Variants in LSAMP observed in about 807,000 individuals in gnomAD.
LSAMP encodes limbic system-associated membrane protein.
Under a neutral mutation model 38.6 loss-of-function variants are expected in LSAMP, and 7 were observed. The ratio of observed to expected loss-of-function variants is 0.18; its 90% CI spans 0.10 to 0.34. The LOEUF (loss-of-function observed/expected upper bound fraction) is 0.34. Ranked by LOEUF, LSAMP falls within the 10% of genes least tolerant of loss-of-function variation. The pLI is 1.00. For missense variants in LSAMP, 313 were observed against 420.0 expected (o/e 0.75, Z 2.23); for synonymous variants, 154 against 166.8 (o/e 0.92, Z 0.59).
At chr3:116,275,331 G>A (rs1163633043) in intron 1 of LSAMP, among the ~76,000 whole-genome samples, 2 of 152,010 alleles carry the variant, frequency 1.3e-5, no homozygotes, top group African/African-American at 4.8e-5. Flanking sequence ...GGGATTACAA[G>A]CTTGAGCCAC....
chr3:116,272,816 T>C (rs2046992307), intron 1 of LSAMP, among the ~76,000 whole-genome samples: 1 of 152,146 alleles, frequency 6.6e-6, no homozygotes, highest in South Asian at 2.1e-4. Context: ...TTTTAAAAAA[T>C]AAAAATGAAA....
intron 1 of LSAMP, among the ~76,000 whole-genome samples, chr3:116,443,059 A>G (rs565550435): frequency 6.6e-6 from 1 of 152,372 alleles, no homozygotes; most frequent in East Asian, 1.9e-4. Flanking sequence ...TAAAAAACAT[A>G]TACATTCAAG....
chr3:115,857,244 C>T (rs769745050), intron 3 of LSAMP, among the ~76,000 whole-genome samples: 25 of 152,316 alleles, frequency 1.6e-4, no homozygotes, highest in Non-Finnish European at 3.2e-4. Flanking sequence ...TCACAAAATT[C>T]TAAAATGCAC....
At chr3:116,430,867 T>A (rs923747769) in intron 1 of LSAMP, among the ~76,000 whole-genome samples, 23 of 152,098 alleles carry the variant, frequency 1.5e-4, no homozygotes, top group African/African-American at 5.5e-4. Context: ...ATTTGCTTAT[T>A]TAATTAAATT....
chr3:116,294,503 A>AACAG (rs998363293), intron 1 of LSAMP, among the ~76,000 whole-genome samples: 2 of 152,194 alleles, frequency 1.3e-5, no homozygotes, highest in Non-Finnish European at 2.9e-5. Context: ...GAAATCCTTT[A>AACAG]ACAGACTCTT....
intron 3 of LSAMP, among the ~76,000 whole-genome samples, chr3:115,858,466 T>A (rs1256151511): frequency 2.0e-5 from 3 of 152,190 alleles, no homozygotes. Context: ...AATATAGAAT[T>A]CCAAGGAAAG....
At chr3:116,038,074 A>G (rs1264405797) in intron 2 of LSAMP, among the ~76,000 whole-genome samples, 1 of 152,084 alleles carries the variant, frequency 6.6e-6, no homozygotes, top group Non-Finnish European at 1.5e-5. Context: ...TATCTCTTTC[A>G]ATATGTATTC....
chr3:116,219,222 C>G (rs6438305), intron 1 of LSAMP, among the ~76,000 whole-genome samples: 123,609 of 152,164 alleles, frequency 0.81, 50,839 homozygotes, highest in East Asian at 0.92. Context: ...TCTGTGACTG[C>G]CTTATTTCAC....
chr3:116,191,876 A>G (rs1334308204), intron 1 of LSAMP, among the ~76,000 whole-genome samples: 1 of 152,054 alleles, frequency 6.6e-6, no homozygotes, highest in Non-Finnish European at 1.5e-5. Context: ...ATATCCAAGC[A>G]TCAGATTTAA....
chr3:116,128,430 C>T (rs549395687), intron 1 of LSAMP, among the ~76,000 whole-genome samples: 1 of 152,278 alleles, frequency 6.6e-6, no homozygotes, highest in South Asian at 2.1e-4. Context: ...CAATTTCTCC[C>T]TTTTATGCTT....
At chr3:116,386,036 T>C (rs922804737) in intron 1 of LSAMP, among the ~76,000 whole-genome samples, 1 of 152,074 alleles carries the variant, frequency 6.6e-6, no homozygotes, top group African/African-American at 2.4e-5. Flanking sequence ...CAAAAAACTT[T>C]GGGAAATTCT....
At chr3:116,406,890 G>T (rs2048904835) in intron 1 of LSAMP, among the ~76,000 whole-genome samples, 1 of 151,852 alleles carries the variant, frequency 6.6e-6, no homozygotes, top group Non-Finnish European at 1.5e-5. Flanking sequence ...CTAGAAAGAG[G>T]TAAAAAGAGA....
At chr3:116,009,510 A>G (rs1024857376) in intron 3 of LSAMP, among the ~76,000 whole-genome samples, 1 of 152,192 alleles carries the variant, frequency 6.6e-6, no homozygotes, top group African/African-American at 2.4e-5. Flanking sequence ...TAAAATTCAC[A>G]AAAGAGATAA....
chr3:116,408,635 T>C (rs2048930059), intron 1 of LSAMP, among the ~76,000 whole-genome samples: 1 of 152,094 alleles, frequency 6.6e-6, no homozygotes, highest in Non-Finnish European at 1.5e-5. Flanking sequence ...GCATGATAGA[T>C]ACTATTTTCC....
chr3:116,311,785 T>C (rs1268754773), intron 1 of LSAMP, among the ~76,000 whole-genome samples: 5 of 152,138 alleles, frequency 3.3e-5, no homozygotes, highest in African/African-American at 1.2e-4. Context: ...ATGAGACCAG[T>C]CATTGCAGTA....
At chr3:115,925,808 C>T (rs1214277797) in intron 3 of LSAMP, among the ~76,000 whole-genome samples, 1 of 152,062 alleles carries the variant, frequency 6.6e-6, no homozygotes, top group Admixed American at 6.6e-5. Context: ...TTTATTAATG[C>T]ATAGAATATG....
chr3:116,104,507 TAAAG>T (rs1230193680), intron 1 of LSAMP, among the ~76,000 whole-genome samples: 1 of 151,964 alleles, frequency 6.6e-6, no homozygotes, highest in African/African-American at 2.4e-5. Flanking sequence ...TCTAATATGA[TAAAG>T]AAAGATTTGA....
At chr3:115,980,213 C>T (rs1405570632) in intron 3 of LSAMP, among the ~76,000 whole-genome samples, 2 of 151,774 alleles carry the variant, frequency 1.3e-5, no homozygotes, top group Non-Finnish European at 2.9e-5. Context: ...CAATTCATTT[C>T]CCTCTTAACA....
chr3:115,832,725 G>A (rs190295034), intron 6 of LSAMP, among the ~76,000 whole-genome samples: 38 of 152,214 alleles, frequency 2.5e-4, no homozygotes, highest in Middle Eastern at 3.4e-3. Flanking sequence ...TCCACTAGCC[G>A]AAGACCAAAG....
Sources: allele counts gnomAD v4.1 joint callset (sites outside exome capture counted in the v4.1 genomes callset), GRCh38; gene constraint gnomAD v4.1.1; transcripts MANE v1.5; gene names NCBI Gene and HGNC (gene_info 2026-07-23, HGNC 2026-07-21).